The following PRPF8 variants were observed in gnomAD, a reference collection of about 807,000 sequenced individuals.
PRPF8 encodes the protein pre-mRNA processing factor 8, also known as pre-mRNA-processing-splicing factor 8.
In PRPF8, 64 loss-of-function variants were observed where a neutral mutation model predicts 285.9. The ratio of observed to expected loss-of-function variants is 0.22; its 90% CI spans 0.18 to 0.28. The LOEUF (loss-of-function observed/expected upper bound fraction) is 0.28, where lower values mean the gene tolerates loss of function less well. Ranked by LOEUF, PRPF8 falls within the 10% of genes least tolerant of loss-of-function variation. The pLI is 1.00. For synonymous variants in PRPF8, 1,325 were observed against 1,118.2 expected (o/e 1.18, Z -3.69); for missense variants, 1,426 against 3,026.7 (o/e 0.47, Z 12.41).
intron 5 of PRPF8, 24 bp from the exon 6 acceptor site, chr17:1,681,714 C>T (rs370871255): frequency 1.2e-6 from 2 of 1,612,810 alleles, no homozygotes; most frequent in Admixed American, 3.3e-5. Flanking sequence ...GAAAGGCCCA[C>T]CTCAAGTAAG....
intron 3 of PRPF8, 116 bp from the exon 4 acceptor site, chr17:1,682,409 C>A: frequency 7.4e-7 from 1 of 1,350,806 alleles, no homozygotes; most frequent in South Asian, 1.2e-5. Context: ...TCCAAACTCC[C>A]AAACTTAGCC....
At chr17:1,660,607 G>C (rs1911632202) in intron 29 of PRPF8, 29 bp from the exon 30 acceptor site, 2 of 1,614,222 alleles carry the variant, frequency 1.2e-6, no homozygotes, top group African/African-American at 1.3e-5. Context: ...TGTGACATTA[G>C]AGATCAAGAG....
intron 34 of PRPF8, among the ~76,000 whole-genome samples, chr17:1,657,214 A>G (rs1443392881): frequency 6.6e-6 from 1 of 152,210 alleles, no homozygotes; most frequent in Non-Finnish European, 1.5e-5. Context: ...GAAACATGCT[A>G]TAAATGTAAA....
Position 1,653,256 on chromosome 17 carries a change from G to T in PRPF8, c.6369+286C>A. 1 of 550,546 alleles carries T rather than the reference G, an allele frequency of 1.8e-6. No individual in the cohort carries two copies. The highest frequency in any genetic ancestry group is 3.3e-6 in the Non-Finnish European group (1 of 304,414). The allele number at this position is 550,546 out of a possible 1,614,324, so 34.1% of individuals were successfully genotyped here. A position where few individuals can be genotyped will look rare whatever the true frequency, so the allele number is the denominator to read the frequency against. ...TGCCCAGCCGAGTGTTGGGATTACA[G>T]GCATGAGCCAGCACGCACACCTGGT... On this transcript the variant is annotated intron_variant, in intron 39 of 42. Coordinates refer to ENST00000304992, the MANE Select transcript of PRPF8 (RefSeq NM_006445.4). The surrounding 1 kb of genome is among the most constrained non-coding windows in gnomAD (Gnocchi z 4.9).
chr17:1,658,501 C>CCTAT lies in PRPF8; in HGVS notation c.5376+21_5376+24dup, dbSNP rs1448064569. On this transcript the variant is annotated intron_variant, in intron 33 of 42. Coordinates refer to ENST00000304992, the MANE Select transcript of PRPF8 (RefSeq NM_006445.4). This position sits in a 1 kb window ranked among gnomAD's most constrained non-coding sequence, Gnocchi z 4.1. ...CCACAGCCATGTACAGAGTCCCGCA[C>CCTAT]CTATACACTGCTGCTAACACTCACC... 2 of 1,611,064 alleles carry CCTAT rather than the reference C, an allele frequency of 1.2e-6. No individual in the cohort carries two copies. The highest frequency in any genetic ancestry group is 2.7e-5 in the African/African-American group (2 of 74,862).
In PRPF8 at chr17:1,651,174, G is replaced by A. The variant is rs757105710; in HGVS notation, c.6787C>T (p.Leu2263=). The A allele has an allele frequency of 1.2e-6, 2 of 1,614,204 alleles. No individual in the cohort carries two copies. The highest frequency in any genetic ancestry group is 2.2e-5 in the South Asian group (2 of 91,084). Residue 2263 remains leucine, a synonymous_variant, in exon 42 of 43, where the codon CTG becomes TTG. Coordinates refer to ENST00000304992, the MANE Select transcript of PRPF8 (RefSeq NM_006445.4). This position sits in a 1 kb window ranked among gnomAD's most constrained non-coding sequence, Gnocchi z 5.1. ...PSHYERVQML[L]SDRFLGFFMV... ...AAGAAGCCAAGGAAACGGTCCGACA[G>A]CAGCATCTGCACCCTCTCATAGTGT...
At chr17:1,669,487 AC>A (rs2151122735) in intron 24 of PRPF8, among the ~76,000 whole-genome samples, 1 of 152,196 alleles carries the variant, frequency 6.6e-6, no homozygotes, top group Admixed American at 6.5e-5. Context: ...ATTCAAAAAC[AC>A]CTGCACTGAC....
chr17:1,658,969 G>A lies in PRPF8; in HGVS notation c.5139-206C>T. 1.4e-6 allele frequency: 1 copy of A among 689,850 alleles called. No homozygotes were observed. 42.7% of individuals were successfully genotyped at this position (689,850 alleles called of 1,614,324 possible). A position where few individuals can be genotyped will look rare whatever the true frequency, so the allele number is the denominator to read the frequency against. On this transcript the variant is annotated intron_variant, in intron 32 of 42. Transcript: ENST00000304992. The surrounding 1 kb of genome is among the most constrained non-coding windows in gnomAD (Gnocchi z 4.1). ...TCACTTAGGTAAAGTAAAAAAGTAT[G>A]ACTACGTTAAAGTATGGAGCTAATG...
At position 1,651,578 on chromosome 17, in the gene PRPF8, C is replaced by G. The variant is rs1279554599; in HGVS notation, c.6511-25G>C. ...CCTATAGGTAAAGAGGAGTACAGAG[C>G]TGAATCCCATCCACAGACAGGAATC... On this transcript the variant is annotated intron_variant, in intron 40 of 42. Coordinates refer to ENST00000304992, the MANE Select transcript of PRPF8 (RefSeq NM_006445.4). This position sits in a 1 kb window ranked among gnomAD's most constrained non-coding sequence, Gnocchi z 5.1. 2.5e-6 allele frequency: 4 copies of G among 1,614,114 alleles called. No homozygotes were observed. The highest frequency in any genetic ancestry group is 1.6e-4 in the Middle Eastern group (1 of 6,062).
intron 34 of PRPF8, among the ~76,000 whole-genome samples, chr17:1,657,796 G>A (rs1450113681): frequency 2.0e-5 from 3 of 149,026 alleles, no homozygotes; most frequent in Non-Finnish European, 4.4e-5. Context: ...TTGAAACCCT[G>A]TCTCTACTAA....
chr17:1,668,063 T>A (rs1912092738), intron 24 of PRPF8, among the ~76,000 whole-genome samples: 1 of 152,252 alleles, frequency 6.6e-6, no homozygotes, highest in South Asian at 2.1e-4. Flanking sequence ...CTAGGTCCTA[T>A]CAGTATCCCT....
intron 13 of PRPF8, 42 bp downstream of exon 13, chr17:1,678,476 T>C: frequency 6.2e-7 from 1 of 1,612,112 alleles, no homozygotes; most frequent in African/African-American, 1.3e-5. Context: ...AGAGTAAGAC[T>C]CTGTCTCAAA....
In PRPF8 at chr17:1,676,903, A is replaced by G. The variant is rs915539045; in HGVS notation, c.2181+73T>C. ...AGAGATTGGAGCCAGATAGCCCCCT[A>G]ATGATTCCCGAAGTGGTAATCCTAC... is the stretch of plus-strand genomic sequence containing the variant. On this transcript the variant is annotated intron_variant, in intron 15 of 42. Transcript: ENST00000304992. This position sits in a 1 kb window ranked among gnomAD's most constrained non-coding sequence, Gnocchi z 6.3. The G allele has an allele frequency of 1.6e-5, 25 of 1,566,224 alleles. No homozygotes were observed. Among genetic ancestry groups the G allele is most frequent in the Non-Finnish European group, 1.8e-5 (21 of 1,143,210 alleles).
chr17:1,661,650 T>G lies in PRPF8; in HGVS notation c.4163A>C (p.Glu1388Ala). ...EFIDSQRVWA[E>A]YALKRQEAIA... ...GGCCTCTTGCCTCTTGAGTGCGTAC[T>G]CAGCCCAGACCCGCTGAGAATCAAT... The change falls in exon 26 of 43, where the codon GAG (glutamate) becomes GCG (alanine). Residue 1388 changes from glutamate (E) to alanine (A), a missense_variant. By Grantham distance (107) the Glu-to-Ala change is moderately radical (BLOSUM62 -1). Transcript: ENST00000304992. The surrounding 1 kb of genome is among the most constrained non-coding windows in gnomAD (Gnocchi z 7.3). 1 of 1,613,900 alleles carries G rather than the reference T, an allele frequency of 6.2e-7. No individual in the cohort carries two copies. The highest frequency in any genetic ancestry group is 8.5e-7 in the Non-Finnish European group (1 of 1,180,026).
Position 1,658,948 on chromosome 17 carries a change from T to G in PRPF8, c.5139-185A>C. Reference sequence around the variant, plus strand: ...GGAGGAATGGGCCACTTCCTCTCACTTAGGTAAAGTAAAAAAGTATGACTA... The same window carrying G: ...GGAGGAATGGGCCACTTCCTCTCACGTAGGTAAAGTAAAAAAGTATGACTA... On this transcript the variant is annotated intron_variant, in intron 32 of 42. Coordinates refer to ENST00000304992, the MANE Select transcript of PRPF8 (RefSeq NM_006445.4). This position sits in a 1 kb window ranked among gnomAD's most constrained non-coding sequence, Gnocchi z 4.1. 1 of 701,382 alleles carries G rather than the reference T, an allele frequency of 1.4e-6. No homozygotes were observed. The highest frequency in any genetic ancestry group is 2.6e-6 in the Non-Finnish European group (1 of 383,852). 43.4% of individuals were successfully genotyped at this position (701,382 alleles called of 1,614,324 possible).
At chr17:1,672,874 A>C (rs1912401827) in intron 24 of PRPF8, 1 of 621,640 alleles carries the variant, frequency 1.6e-6, no homozygotes, top group South Asian at 1.9e-5. Flanking sequence ...CACAAGAAGG[A>C]GGCTACACAA....
chr17:1,682,601 T>TTA lies in PRPF8; in HGVS notation c.270-309_270-308insTA, dbSNP rs760517792. Reference sequence around the variant, plus strand: ...TCCCTCCGCATCTTCCCATAAATCATAATAAAGTATTCACCATACTTCACT... The same window carrying TTA: ...TCCCTCCGCATCTTCCCATAAATCATTAAATAAAGTATTCACCATACTTCACT... On this transcript the variant is annotated intron_variant, in intron 3 of 42. Coordinates refer to ENST00000304992, the MANE Select transcript of PRPF8 (RefSeq NM_006445.4). Among the ~76,000 whole-genome samples the TTA allele has an allele frequency of 1.1e-3, 171 of 152,246 alleles. 2 individuals carry two copies. Among genetic ancestry groups the TTA allele is most frequent in the Middle Eastern group, 3.4e-3 (1 of 294 alleles).
chr17:1,656,324 A>C, intron 36 of PRPF8, 68 bp downstream of exon 36: 1 of 1,597,670 alleles, frequency 6.3e-7, no homozygotes. Flanking sequence ...CAAAAACCTG[A>C]CACAGGATCT....
chr17:1,673,266 C>G lies in PRPF8; in HGVS notation c.3658-69G>C. 6.2e-7 allele frequency: 1 copy of G among 1,605,094 alleles called. No homozygotes were observed. The highest frequency in any genetic ancestry group is 8.5e-7 in the Non-Finnish European group (1 of 1,172,182). ...AGAAGCAAGAGCCAACTGTGCCCAC[C>G]ACTCAAGTCTTTCCACCCAACAAGA... On this transcript the variant is annotated intron_variant, in intron 23 of 42. Coordinates refer to ENST00000304992, the MANE Select transcript of PRPF8 (RefSeq NM_006445.4). The surrounding 1 kb of genome is among the most constrained non-coding windows in gnomAD (Gnocchi z 5.5).
Sources: gnomAD v4.1 joint callset for allele counts (sites outside exome capture counted in the v4.1 genomes callset) on GRCh38, gnomAD v4.1.1 for gene constraint, Gnocchi (gnomAD v3.1) non-coding constraint, MANE v1.5 for transcripts, NCBI Gene and HGNC (gene_info 2026-07-23, HGNC 2026-07-21) for gene names.